The following PDE1C variants were observed in gnomAD, a reference collection of about 807,000 sequenced individuals.
The protein encoded by PDE1C is dual specificity calcium/calmodulin-dependent 3',5'-cyclic nucleotide phosphodiesterase 1C.
PDE1C carries 62 observed loss-of-function variants against 93.1 expected under a neutral mutation model. The ratio of observed to expected loss-of-function variants is 0.67; its 90% CI spans 0.54 to 0.82. The LOEUF (loss-of-function observed/expected upper bound fraction) is 0.82. PDE1C is among the 40% of genes least tolerant of loss of function. The pLI, the probability that PDE1C is intolerant of heterozygous loss-of-function variation, is 0.00. For missense variants in PDE1C, 742 were observed against 884.6 expected (o/e 0.84, Z 2.04); for synonymous variants, 325 against 310.1 (o/e 1.05, Z -0.50).
At chr7:32,313,661 C>A (rs780367237) in intron 1 of PDE1C, among the ~76,000 whole-genome samples, 13 of 150,966 alleles carry the variant, frequency 8.6e-5, no homozygotes, top group Non-Finnish European at 1.2e-4. Context: ...GGACAAAAAA[C>A]CAAACACCGC....
At chr7:32,040,369 GT>G (rs1475792141) in intron 2 of PDE1C, among the ~76,000 whole-genome samples, 2 of 152,160 alleles carry the variant, frequency 1.3e-5, no homozygotes, top group African/African-American at 4.8e-5. Context: ...TGGTGGAAAT[GT>G]TCCATGTACT....
chr7:32,284,578 C>A (rs1397186484), intron 1 of PDE1C, among the ~76,000 whole-genome samples: 1 of 152,192 alleles, frequency 6.6e-6, no homozygotes, highest in Non-Finnish European at 1.5e-5. Context: ...ACACCTACTG[C>A]TATTATCATC....
At chr7:32,205,550 G>A (rs1805375373) in intron 2 of PDE1C, among the ~76,000 whole-genome samples, 1 of 152,076 alleles carries the variant, frequency 6.6e-6, no homozygotes, top group South Asian at 2.1e-4. Context: ...CTGTAAAATG[G>A]ACCAATCAGC....
intron 2 of PDE1C, among the ~76,000 whole-genome samples, chr7:31,944,930 A>G (rs1423855237): frequency 6.6e-6 from 1 of 152,184 alleles, no homozygotes; most frequent in African/African-American, 2.4e-5. Flanking sequence ...GAAAAATTGC[A>G]AAGAAAATAC....
chr7:32,298,009 T>C (rs10237915), intron 1 of PDE1C, among the ~76,000 whole-genome samples: 3 of 33,086 alleles, frequency 9.1e-5, no homozygotes, highest in Non-Finnish European at 1.1e-4. Context: ...TCTCTCTCTC[T>C]CTCTCTCCCT....
chr7:32,251,089 A>T (rs144185379), intron 1 of PDE1C, among the ~76,000 whole-genome samples: 1 of 152,246 alleles, frequency 6.6e-6, no homozygotes, highest in Non-Finnish European at 1.5e-5. Context: ...GCGTGCGCAC[A>T]CACACACAAG....
the PDE1C span, among the ~76,000 whole-genome samples, chr7:31,684,821 G>A: frequency 5.3e-5 from 8 of 152,196 alleles, no homozygotes; most frequent in African/African-American, 1.7e-4. Flanking sequence ...ATTGCTGGTG[G>A]GAATGGGAAA....
At chr7:32,121,468 G>A (rs1799296876) in intron 3 of PDE1C, among the ~76,000 whole-genome samples, 1 of 151,662 alleles carries the variant, frequency 6.6e-6, no homozygotes, top group African/African-American at 2.4e-5. Context: ...AAATGTTAAG[G>A]GCAGCCAGAG....
At chr7:32,090,793 T>G (rs1226440710) in intron 3 of PDE1C, among the ~76,000 whole-genome samples, 2 of 152,224 alleles carry the variant, frequency 1.3e-5, no homozygotes, top group Non-Finnish European at 2.9e-5. Flanking sequence ...TGGACCCTCC[T>G]GGAGACCATC....
chr7:31,695,791 C>T, the PDE1C span, among the ~76,000 whole-genome samples: 813 of 152,006 alleles, frequency 5.3e-3, 13 homozygotes, highest in African/African-American at 0.017. Flanking sequence ...ATAACAGATA[C>T]ATTCTAAAAT....
chr7:31,739,670 C>T, the PDE1C span, among the ~76,000 whole-genome samples: 23 of 152,168 alleles, frequency 1.5e-4, no homozygotes, highest in African/African-American at 4.1e-4. Context: ...GCCCAGTGCA[C>T]GAGTGGAGGT....
chr7:32,154,494 C>T (rs1488002032), intron 3 of PDE1C, among the ~76,000 whole-genome samples: 2 of 152,130 alleles, frequency 1.3e-5, no homozygotes, highest in Non-Finnish European at 2.9e-5. Context: ...GTGGACATAA[C>T]AGAATTACCT....
At chr7:32,365,001 C>A (rs972047514) in intron 1 of PDE1C, among the ~76,000 whole-genome samples, 2 of 152,228 alleles carry the variant, frequency 1.3e-5, no homozygotes, top group Non-Finnish European at 2.9e-5. Context: ...GTGGGAGAGG[C>A]CTTCAAGCCT....
chr7:31,719,755 A>G, the PDE1C span, among the ~76,000 whole-genome samples: 1 of 152,214 alleles, frequency 6.6e-6, no homozygotes, highest in African/African-American at 2.4e-5. Context: ...TGGGCATACC[A>G]GTCAATATTC....
At chr7:31,955,346 G>A (rs573409238) in intron 2 of PDE1C, among the ~76,000 whole-genome samples, 38 of 152,270 alleles carry the variant, frequency 2.5e-4, no homozygotes, top group Non-Finnish European at 4.6e-4. Context: ...TATACCCAAA[G>A]TGTGTTTTCC....
At chr7:31,963,325 A>G (rs1809322661) in intron 2 of PDE1C, among the ~76,000 whole-genome samples, 1 of 152,212 alleles carries the variant, frequency 6.6e-6, no homozygotes, top group African/African-American at 2.4e-5. Flanking sequence ...TTGCTCAGCA[A>G]ATATCTGCTT....
At chr7:31,832,372 C>T (rs1160086516) in intron 11 of PDE1C, among the ~76,000 whole-genome samples, 1 of 152,120 alleles carries the variant, frequency 6.6e-6, no homozygotes, top group Admixed American at 6.5e-5. Flanking sequence ...TCAAAAAGTA[C>T]CCTGAGGCAG....
At chr7:31,698,008 T>C in the PDE1C span, among the ~76,000 whole-genome samples, 1 of 152,156 alleles carries the variant, frequency 6.6e-6, no homozygotes. Flanking sequence ...ACAGATAAAA[T>C]TATGATCAAG....
chr7:31,672,067 T>C, the PDE1C span, among the ~76,000 whole-genome samples: 3 of 152,196 alleles, frequency 2.0e-5, no homozygotes, highest in African/African-American at 7.2e-5. Context: ...TAAAGCCCTG[T>C]TTTTATGATT....
Sources: gnomAD v4.1 joint callset for allele counts (sites outside exome capture counted in the v4.1 genomes callset) on GRCh38, gnomAD v4.1.1 for gene constraint, MANE v1.5 for transcripts, NCBI Gene and HGNC (gene_info 2026-07-23, HGNC 2026-07-21) for gene names.